ARHGAP22: variants seen among roughly 807,000 people sequenced by gnomAD.
The protein encoded by ARHGAP22 is Rho GTPase activating protein 22.
A neutral mutation model predicts 59.1 loss-of-function variants in ARHGAP22; 48 were observed. That is an observed-to-expected ratio of 0.81 (90% CI 0.64 to 1.03). The LOEUF (loss-of-function observed/expected upper bound fraction) is 1.03. Among genes scored for constraint, ARHGAP22 ranks in the 50% least tolerant of loss-of-function variants. The pLI is 0.00. For synonymous variants in ARHGAP22, 445 were observed against 416.4 expected (o/e 1.07, Z -0.84); for missense variants, 1,015 against 958.7 (o/e 1.06, Z -0.78).
chr10:48,490,566 G>T (rs2050287833), intron 3 of ARHGAP22, among the ~76,000 whole-genome samples: 3 of 152,218 alleles, frequency 2.0e-5, no homozygotes, highest in Non-Finnish European at 4.4e-5. Context: ...TAGGCACAAT[G>T]TGGCATGTCC....
chr10:48,652,129 C>G (rs2062592988), intron 1 of ARHGAP22: 1 of 1,079,120 alleles, frequency 9.3e-7, no homozygotes, highest in South Asian at 1.4e-5. Context: ...CCGCCTGGTG[C>G]TCTCAGCCAC....
chr10:48,492,679 G>A (rs10745276), intron 3 of ARHGAP22, among the ~76,000 whole-genome samples: 56,342 of 151,794 alleles, frequency 0.37, 11,597 homozygotes, highest in East Asian at 0.9. Context: ...TCAGCCTCCC[G>A]AGTAGCTGGG....
At chr10:48,506,794 G>A (rs2052184577) in intron 3 of ARHGAP22, among the ~76,000 whole-genome samples, 1 of 152,110 alleles carries the variant, frequency 6.6e-6, no homozygotes, top group African/African-American at 2.4e-5. Flanking sequence ...GTGACACGAG[G>A]GCCTAGATGT....
intron 1 of ARHGAP22, among the ~76,000 whole-genome samples, chr10:48,585,666 T>C (rs1322360613): frequency 6.6e-6 from 1 of 152,218 alleles, no homozygotes; most frequent in Non-Finnish European, 1.5e-5. Flanking sequence ...GATAGATCTA[T>C]GGGTACCACT....
intron 1 of ARHGAP22, among the ~76,000 whole-genome samples, chr10:48,585,692 A>C (rs926678747): frequency 2.6e-5 from 4 of 152,200 alleles, no homozygotes; most frequent in Non-Finnish European, 4.4e-5. Context: ...CCCTGGTGTC[A>C]GACTGTCTAG....
chr10:48,638,825 A>G (rs2061929647), intron 1 of ARHGAP22, among the ~76,000 whole-genome samples: 1 of 152,188 alleles, frequency 6.6e-6, no homozygotes, highest in Non-Finnish European at 1.5e-5. Context: ...TCGTGCCTAT[A>G]TCCTAATAAG....
chr10:48,496,701 C>T (rs545913744), intron 3 of ARHGAP22, among the ~76,000 whole-genome samples: 2 of 152,238 alleles, frequency 1.3e-5, no homozygotes, highest in East Asian at 1.9e-4. Flanking sequence ...GGAAGACAGC[C>T]GGTAACACTA....
intron 3 of ARHGAP22, among the ~76,000 whole-genome samples, chr10:48,494,417 C>T (rs1052161745): frequency 6.6e-6 from 1 of 152,208 alleles, no homozygotes. Flanking sequence ...GGAGCTCACA[C>T]CTCAGGCAGC....
intron 3 of ARHGAP22, among the ~76,000 whole-genome samples, chr10:48,509,128 G>A (rs1014514864): frequency 1.3e-5 from 2 of 152,250 alleles, no homozygotes; most frequent in Non-Finnish European, 2.9e-5. Flanking sequence ...GCTCTGGGCT[G>A]AAGTCTGACG....
the ARHGAP22 span, among the ~76,000 whole-genome samples, chr10:48,432,305 T>G: frequency 6.6e-6 from 1 of 152,228 alleles, no homozygotes; most frequent in Non-Finnish European, 1.5e-5. Flanking sequence ...ATAGCGACAT[T>G]GTATACTATA....
At chr10:48,465,953 G>C (rs543921020) in intron 4 of ARHGAP22, among the ~76,000 whole-genome samples, 2 of 152,136 alleles carry the variant, frequency 1.3e-5, no homozygotes, top group Non-Finnish European at 2.9e-5. Flanking sequence ...CAGGCTCTGC[G>C]CTAAGTATTA....
At chr10:48,432,982 A>G in the ARHGAP22 span, among the ~76,000 whole-genome samples, 3 of 152,124 alleles carry the variant, frequency 2.0e-5, no homozygotes, top group Non-Finnish European at 4.4e-5. Context: ...TACCATTTCC[A>G]CTTGATTTTT....
chr10:48,611,874 CTCCCCTCCCCTCCCG>C (rs536907117), intron 1 of ARHGAP22, among the ~76,000 whole-genome samples: 41,757 of 74,056 alleles, frequency 0.56, 13,650 homozygotes, highest in Admixed American at 0.67. Flanking sequence ...CTCCCCTCCC[CTCCCCTCCCCTCCCG>C]TCCCCTTCAC....
intron 1 of ARHGAP22, among the ~76,000 whole-genome samples, chr10:48,619,555 A>G (rs1454802242): frequency 1.3e-5 from 2 of 152,188 alleles, no homozygotes; most frequent in Admixed American, 6.5e-5. Context: ...CAGCCAACTG[A>G]TTTTTGACAA....
chr10:48,595,927 G>T (rs756076664), intron 1 of ARHGAP22, among the ~76,000 whole-genome samples: 6 of 152,206 alleles, frequency 3.9e-5, no homozygotes, highest in Non-Finnish European at 7.4e-5. Context: ...GCCTCGGCAT[G>T]AAGAACTAGA....
intron 3 of ARHGAP22, among the ~76,000 whole-genome samples, chr10:48,539,515 T>C (rs1358364691): frequency 6.6e-6 from 1 of 151,742 alleles, no homozygotes; most frequent in Non-Finnish European, 1.5e-5. Flanking sequence ...ATGGTCTCGA[T>C]CTCCTGACCT....
chr10:48,628,382 A>G (rs1248843288), intron 1 of ARHGAP22, among the ~76,000 whole-genome samples: 9 of 152,242 alleles, frequency 5.9e-5, no homozygotes, highest in Admixed American at 2.6e-4. Context: ...TTATTTTAAG[A>G]GAAAAGTGAG....
At chr10:48,611,364 G>C (rs1195047777) in intron 1 of ARHGAP22, among the ~76,000 whole-genome samples, 3 of 152,104 alleles carry the variant, frequency 2.0e-5, no homozygotes, top group Non-Finnish European at 2.9e-5. Context: ...CTGTTTCTGG[G>C]TCCTGGGAAC....
At chr10:48,473,999 G>A (rs573956035) in intron 4 of ARHGAP22, among the ~76,000 whole-genome samples, 11 of 152,302 alleles carry the variant, frequency 7.2e-5, no homozygotes, top group East Asian at 1.9e-4. Context: ...CTGGGGCTGC[G>A]TTCCCTGAAC....
Sources: gnomAD v4.1 joint callset for allele counts (sites outside exome capture counted in the v4.1 genomes callset) on GRCh38, gnomAD v4.1.1 for gene constraint, MANE v1.5 for transcripts, NCBI Gene and HGNC (gene_info 2026-07-23, HGNC 2026-07-21) for gene names.